Variants in RNASEH2B observed in about 807,000 individuals in gnomAD.
RNASEH2B encodes the protein ribonuclease H2 subunit B.
RNASEH2B carries 36 observed loss-of-function variants against 45.0 expected under a neutral mutation model. The observed-to-expected ratio is 0.80, with a 90% CI of 0.61 to 1.06. The LOEUF (loss-of-function observed/expected upper bound fraction) is 1.06, where lower values mean the gene tolerates loss of function less well. RNASEH2B is among the 50% of genes least tolerant of loss of function. The probability of loss-of-function intolerance (pLI) is 0.00; values close to 1 mark genes in which losing one functional copy is unlikely to be tolerated. For synonymous variants in RNASEH2B, 119 were observed against 125.7 expected (o/e 0.95, Z 0.35); for missense variants, 361 against 360.3 (o/e 1.00, Z -0.02).
intron 4 of RNASEH2B, among the ~76,000 whole-genome samples, chr13:50,933,062 T>G (rs1951702273): frequency 6.6e-6 from 1 of 152,200 alleles, no homozygotes; most frequent in African/African-American, 2.4e-5. Flanking sequence ...CCTCGTGTCT[T>G]TAAGGAACAG....
intron 1 of RNASEH2B, among the ~76,000 whole-genome samples, chr13:50,920,522 T>TAAA (rs1951510479): frequency 6.6e-6 from 1 of 152,252 alleles, no homozygotes; most frequent in African/African-American, 2.4e-5. Flanking sequence ...AACATATTAT[T>TAAA]AAACCTAAAA....
chr13:50,970,030 G>T, exon 10 of RNASEH2B: 2 of 1,488,954 alleles, frequency 1.3e-6, no homozygotes, highest in Non-Finnish European at 1.8e-6. Context: ...AGAGGACTCG[G>T]ACTTTTTCTT....
chr13:50,943,610 C>A (rs569340096), intron 6 of RNASEH2B, among the ~76,000 whole-genome samples: 1 of 152,262 alleles, frequency 6.6e-6, no homozygotes, highest in Admixed American at 6.5e-5. Context: ...TTTCTTGTGA[C>A]CTGCATTCTC....
Position 50,949,505 on chromosome 13 carries a change from G to C in RNASEH2B, c.741G>C (p.Lys247Asn), listed in dbSNP as rs1951950151. The change falls in exon 9 of 11, where the codon AAG (lysine) becomes AAC (asparagine). Residue 247 changes from lysine (K) to asparagine (N), a missense_variant and splice_region_variant. Physicochemically the swap from Lys to Asn is moderately conservative, Grantham distance 94 (BLOSUM62 0). Transcript: ENST00000336617. ...PSASLPNPPS[K>N]KIKLSDEPVE... is the part of the protein sequence containing the mutation. Reference sequence around the variant, plus strand: ...CCTCATTGCCAAATCCTCCATCAAAGGTAAGAAGCTGTGACTAAGATATCT... The same window carrying C: ...CCTCATTGCCAAATCCTCCATCAAACGTAAGAAGCTGTGACTAAGATATCT... 1.2e-6 allele frequency: 2 copies of C among 1,613,004 alleles called. No individual in the cohort carries two copies. Among genetic ancestry groups the C allele is most frequent in the Non-Finnish European group, 1.7e-6 (2 of 1,179,170 alleles).
intron 2 of RNASEH2B, among the ~76,000 whole-genome samples, chr13:50,928,144 T>C (rs893729503): frequency 6.6e-5 from 10 of 152,208 alleles, no homozygotes; most frequent in African/African-American, 2.4e-4. Context: ...TTGAGTAATA[T>C]GGGTGATAGT....
chr13:50,924,084 C>T (rs940896483), intron 1 of RNASEH2B, among the ~76,000 whole-genome samples: 4 of 152,210 alleles, frequency 2.6e-5, no homozygotes, highest in African/African-American at 7.2e-5. Context: ...ATCTATTTAA[C>T]TCAAAATAAG....
chr13:50,934,996 A>AACTTT lies in RNASEH2B; in HGVS notation c.434_435insCTTTA (p.Lys145AsnfsTer8). The AACTTT allele has an allele frequency of 6.2e-7, 1 of 1,602,216 alleles. No homozygotes were observed. The highest frequency in any genetic ancestry group is 2.2e-5 in the East Asian group (1 of 44,802). On this transcript the variant is annotated frameshift_variant, in exon 5 of 11. Transcript: ENST00000336617. LOFTEE classifies it high-confidence loss of function. ...GTTACTTCATCATGTGACAGAGGAA[A>AACTTT]AAGGTATGGTATAACTTAAAGGCTT...
At chr13:50,927,547 C>CT in intron 2 of RNASEH2B, 69 bp downstream of exon 2, 1 of 964,838 alleles carries the variant, frequency 1.0e-6, no homozygotes, top group Non-Finnish European at 1.7e-6. Context: ...ACTTTTATGT[C>CT]TTTGTGTCCT....
intron 1 of RNASEH2B, chr13:50,911,894 T>G (rs1411254474): frequency 6.6e-6 from 1 of 152,244 alleles, no homozygotes; most frequent in African/African-American, 2.4e-5. Context: ...GTTGTTCTGT[T>G]TAATCAGTAT....
intron 5 of RNASEH2B, chr13:50,935,346 T>C: frequency 3.2e-6 from 1 of 314,400 alleles, no homozygotes. Context: ...ACCTGTACCT[T>C]AATAGATGGA....
chr13:50,917,432 C>G (rs976461168), intron 1 of RNASEH2B, among the ~76,000 whole-genome samples: 3 of 152,170 alleles, frequency 2.0e-5, no homozygotes, highest in Non-Finnish European at 4.4e-5. Context: ...GAATTGGGTT[C>G]TAGTTGTAAC....
intron 4 of RNASEH2B, 61 bp downstream of exon 4, chr13:50,930,820 C>G: frequency 8.7e-7 from 1 of 1,153,066 alleles, no homozygotes; most frequent in South Asian, 1.2e-5. Flanking sequence ...TTTGTTTGAT[C>G]TCCTCTCTCT....
intron 1 of RNASEH2B, among the ~76,000 whole-genome samples, chr13:50,922,026 A>G (rs1244793705): frequency 6.6e-6 from 1 of 152,186 alleles, no homozygotes; most frequent in Non-Finnish European, 1.5e-5. Context: ...TTCCCAGAGC[A>G]TTGTCCCTAT....
intron 1 of RNASEH2B, chr13:50,927,144 C>T: frequency 2.5e-6 from 1 of 399,238 alleles, no homozygotes; most frequent in Non-Finnish European, 4.7e-6. Context: ...AGTGGCTAAG[C>T]CAAGATTATC....
intron 9 of RNASEH2B, 77 bp from the exon 10 acceptor site, chr13:50,953,828 A>C: frequency 1.0e-6 from 1 of 973,136 alleles, no homozygotes; most frequent in Non-Finnish European, 1.6e-6. Context: ...TAAATTATAC[A>C]TGTTGGGTTT....
downstream of RNASEH2B, chr13:50,960,015 T>C (rs940174286): frequency 1.1e-5 from 4 of 373,798 alleles, no homozygotes; most frequent in Non-Finnish European, 1.9e-5. Flanking sequence ...TATTTCTTTT[T>C]AGTTACTCAA....
chr13:50,913,594 A>C (rs1879556490), intron 1 of RNASEH2B, among the ~76,000 whole-genome samples: 1 of 152,204 alleles, frequency 6.6e-6, no homozygotes, highest in Non-Finnish European at 1.5e-5. Flanking sequence ...CTGATTAAAC[A>C]GTCCTGAGGT....
At position 50,953,865 on chromosome 13, in the gene RNASEH2B, A is replaced by C. The variant is rs780778643; in HGVS notation, c.742-40A>C. ...TTTTTAATGGATTGATGTTGTGTCA[A>C]AGTGACATTTGACACCACTTCACTG... On this transcript the variant is annotated intron_variant, in intron 9 of 10. Coordinates refer to ENST00000336617, the MANE Select transcript of RNASEH2B (RefSeq NM_024570.4). 2.2e-6 allele frequency: 3 copies of C among 1,344,540 alleles called. No individual in the cohort carries two copies. The South Asian group carries it at 3.5e-5, about 16-fold the overall frequency. 83.3% of individuals were successfully genotyped at this position (1,344,540 alleles called of 1,614,324 possible).
intron 1 of RNASEH2B, chr13:50,911,300 T>A (rs1289934197): frequency 4.6e-5 from 7 of 152,290 alleles, no homozygotes; most frequent in African/African-American, 1.7e-4. Context: ...TGTTGTGAAA[T>A]TCATTCATGT....
Sources: gnomAD v4.1 joint callset for allele counts (sites outside exome capture counted in the v4.1 genomes callset) on GRCh38, gnomAD v4.1.1 for gene constraint, MANE v1.5 for transcripts, NCBI Gene and HGNC (gene_info 2026-07-23, HGNC 2026-07-21) for gene names.